NTRK1: variants seen among roughly 807,000 people sequenced by gnomAD.
NTRK1 encodes neurotrophic receptor tyrosine kinase 1, also known as high affinity nerve growth factor receptor.
Under a neutral mutation model 86.8 loss-of-function variants are expected in NTRK1, and 62 were observed. That is an observed-to-expected ratio of 0.71 (90% CI 0.58 to 0.88). NTRK1 has a LOEUF of 0.88. NTRK1 is among the 40% of genes least tolerant of loss of function. The probability of loss-of-function intolerance (pLI) is 0.00; values close to 1 mark genes in which losing one functional copy is unlikely to be tolerated. For synonymous variants in NTRK1, 469 were observed against 456.6 expected (o/e 1.03, Z -0.35); for missense variants, 967 against 1,078.4 (o/e 0.90, Z 1.45).
rs201179362 is a variant in NTRK1, at chr1:156,849,302, C to A, written c.50+7109C>A. ...GATCTCAGCCTTGTTCTGCCGACCT[C>A]GCGTGCCTGTCACCTCCTCCAGTCG... On this transcript the variant is annotated intron_variant, in intron 2 of 16. Transcript: ENST00000392302. 136 of 1,613,830 alleles carry A rather than the reference C, an allele frequency of 8.4e-5. No individual in the cohort carries two copies. The highest frequency in any genetic ancestry group is 1.1e-4 in the Non-Finnish European group (132 of 1,180,020).
chr1:156,831,321 C>A (rs1558077901), intron 1 of NTRK1, among the ~76,000 whole-genome samples: 1 of 152,196 alleles, frequency 6.6e-6, no homozygotes, highest in Non-Finnish European at 1.5e-5. Context: ...TTCTCTACTT[C>A]TCGCTCCTGC....
At position 156,868,546 on chromosome 1, in the gene NTRK1, G is replaced by C; in HGVS notation, c.616G>C (p.Asp206His). The change falls in exon 6 of 17, where the codon GAT becomes CAT. Residue 206 changes from aspartate (D) to histidine (H), a missense_variant. Coordinates refer to ENST00000524377, the MANE Select transcript of NTRK1 (RefSeq NM_002529.4). ...LKVQVPNASV[D>H]VGDDVLLRCQ... ...GGTCCAGGTGCCCAATGCCTCGGTGGATGTGGGGGACGACGTGCTGCTGCG... is the reference window on the plus strand; with the variant it reads ...GGTCCAGGTGCCCAATGCCTCGGTGCATGTGGGGGACGACGTGCTGCTGCG... 2 of 1,558,462 alleles carry C rather than the reference G, an allele frequency of 1.3e-6. No homozygotes were observed. Among genetic ancestry groups the C allele is most frequent in the Non-Finnish European group, 1.7e-6 (2 of 1,150,792 alleles).
At chr1:156,869,519 A>G (rs1207643811) in intron 6 of NTRK1, among the ~76,000 whole-genome samples, 2 of 152,072 alleles carry the variant, frequency 1.3e-5, no homozygotes, top group African/African-American at 4.8e-5. Flanking sequence ...CATGTGATGA[A>G]CGTATTAGTA....
chr1:156,846,643 T>C (rs750259939), intron 2 of NTRK1: 27 of 1,613,594 alleles, frequency 1.7e-5, no homozygotes, highest in Non-Finnish European at 2.3e-5. Flanking sequence ...TGAGGGAGGC[T>C]AGGGTCACCC....
intron 1 of NTRK1, among the ~76,000 whole-genome samples, chr1:156,824,101 C>T (rs1654259449): frequency 6.6e-6 from 1 of 152,190 alleles, no homozygotes; most frequent in Non-Finnish European, 1.5e-5. Context: ...TTTCTTTTCT[C>T]CAGTCTTTTC....
chr1:156,868,316 G>A, intron 5 of NTRK1, 67 bp downstream of exon 5: 12 of 1,586,646 alleles, frequency 7.6e-6, no homozygotes, highest in Non-Finnish European at 9.4e-6. Flanking sequence ...TGAGGGAGAG[G>A]GCACTGAGCA....
chr1:156,852,859 G>A (rs557306194), intron 2 of NTRK1, among the ~76,000 whole-genome samples: 1 of 152,134 alleles, frequency 6.6e-6, no homozygotes, highest in South Asian at 2.1e-4. Context: ...AGGGAGGTGG[G>A]GTGCAGCCGA....
chr1:156,879,905 T>G, intron 15 of NTRK1, 94 bp from the exon 16 acceptor site: 2 of 1,491,774 alleles, frequency 1.3e-6, no homozygotes, highest in Non-Finnish European at 1.8e-6. Context: ...ACCGAGCTTG[T>G]GTATTTATTT....
intron 2 of NTRK1, among the ~76,000 whole-genome samples, chr1:156,855,500 C>T (rs989839075): frequency 7.2e-5 from 11 of 152,008 alleles, no homozygotes; most frequent in Admixed American, 1.3e-4. Context: ...CCACCACGCC[C>T]GGCCTGAACA....
chr1:156,823,966 C>T (rs927968071), intron 1 of NTRK1, among the ~76,000 whole-genome samples: 1 of 152,202 alleles, frequency 6.6e-6, no homozygotes, highest in African/African-American at 2.4e-5. Context: ...TGCACACTTC[C>T]ATAGGCCCAT....
chr1:156,874,091 G>T, intron 8 of NTRK1, 132 bp downstream of exon 8: 1 of 1,006,600 alleles, frequency 9.9e-7, no homozygotes, highest in South Asian at 1.5e-5. Context: ...GAGTCCTGGT[G>T]TCCCGCTGTT....
intron 12 of NTRK1, 103 bp from the exon 13 acceptor site, chr1:156,875,977 C>T (rs1647878526): frequency 1.3e-6 from 2 of 1,570,512 alleles, no homozygotes; most frequent in African/African-American, 1.3e-5. Context: ...AGTCCCTCGT[C>T]TGGGCAGCCT....
At chr1:156,820,129 A>G (rs908534602) in intron 1 of NTRK1, among the ~76,000 whole-genome samples, 1 of 152,152 alleles carries the variant, frequency 6.6e-6, no homozygotes, top group African/African-American at 2.4e-5. Context: ...AGTCTTTAAT[A>G]CATCTTGAGT....
intron 2 of NTRK1, chr1:156,851,300 T>C (rs1376800637): frequency 6.2e-7 from 1 of 1,614,130 alleles, no homozygotes; most frequent in Non-Finnish European, 8.5e-7. Flanking sequence ...CCATCCACCA[T>C]GGCGTCTCCC....
At position 156,864,394 on chromosome 1, in the gene NTRK1, C is replaced by T. The variant is rs543320028; in HGVS notation, c.253C>T (p.Arg85Cys). 2.4e-5 allele frequency: 38 copies of T among 1,614,062 alleles called. No individual in the cohort carries two copies. Among genetic ancestry groups the T allele is most frequent in the East Asian group, 4.5e-5 (2 of 44,872 alleles). ...NQQHLQHLEL[R>C]DLRGLGELRN... ...GCAGCATCTGCAGCATCTGGAGCTC[C>T]GTGATCTGAGGGGCCTGGGGGAGCT... Residue 85 changes from arginine to cysteine, a missense_variant, in exon 2 of 17, where the codon CGT (arginine) becomes TGT (cysteine). By Grantham distance (180) the Arg-to-Cys change is radical. This residue lies in a region of NTRK1 where 330 missense variants were observed against 302.0 expected (regional missense o/e 1.09). Transcript: ENST00000524377.
At chr1:156,847,874 C>T (rs751726844) in intron 2 of NTRK1, among the ~76,000 whole-genome samples, 1 of 152,048 alleles carries the variant, frequency 6.6e-6, no homozygotes, top group Non-Finnish European at 1.5e-5. Flanking sequence ...GCTCTTTGAG[C>T]CCAGAGACAG....
At chr1:156,879,643 C>T (rs546420308) in intron 15 of NTRK1, among the ~76,000 whole-genome samples, 5 of 152,172 alleles carry the variant, frequency 3.3e-5, no homozygotes, top group Non-Finnish European at 5.9e-5. Context: ...CGGCGTCTCA[C>T]TCTGTTGCTA....
intron 10 of NTRK1, 101 bp from the exon 11 acceptor site, chr1:156,874,805 T>C: frequency 8.4e-7 from 1 of 1,185,164 alleles, no homozygotes; most frequent in Non-Finnish European, 1.3e-6. Context: ...TCTGGAGACC[T>C]GGCTCCGGGC....
intron 14 of NTRK1, among the ~76,000 whole-genome samples, chr1:156,878,758 T>C (rs1648071369): frequency 1.3e-5 from 2 of 152,320 alleles, no homozygotes; most frequent in South Asian, 4.1e-4. Context: ...GAAGGGTCCC[T>C]TCCCTGAGGC....
Sources: allele counts gnomAD v4.1 joint callset (sites outside exome capture counted in the v4.1 genomes callset), GRCh38; gene constraint gnomAD v4.1.1; regional missense constraint gnomAD v4.1.1; transcripts MANE v1.5; gene names NCBI Gene and HGNC (gene_info 2026-07-23, HGNC 2026-07-21).